GATA5: variants seen among roughly 807,000 people sequenced by gnomAD.
GATA5 encodes the protein transcription factor GATA-5.
GATA5 carries 27 observed loss-of-function variants against 35.0 expected under a neutral mutation model. The ratio of observed to expected loss-of-function variants is 0.77; its 90% confidence interval spans 0.57 to 1.06. The LOEUF (loss-of-function observed/expected upper bound fraction) is 1.06. GATA5 is among the 50% of genes least tolerant of loss of function. The pLI, the probability that GATA5 is intolerant of heterozygous loss-of-function variation, is 0.00. For missense variants in GATA5, 612 were observed against 580.0 expected, an observed-to-expected ratio of 1.06 and a Z score of -0.57; for synonymous variants, 306 against 267.8, an observed-to-expected ratio of 1.14 and a Z score of -1.39.
intron 3 of GATA5, among the ~76,000 whole-genome samples, chr20:62,466,894 C>T (rs751160970): frequency 5.3e-5 from 8 of 152,214 alleles, no homozygotes; most frequent in Non-Finnish European, 8.8e-5. Context: ...GCCTGGACCC[C>T]GCGGTTCTGC....
chr20:62,473,265 C>T (rs1017977174), intron 3 of GATA5, 138 bp downstream of exon 3: 24 of 917,894 alleles, frequency 2.6e-5, no homozygotes, highest in East Asian at 1.1e-4. Context: ...CCTGACCCAC[C>T]GGGGCGGGCA....
rs942173940 is a variant in GATA5 at position 62,465,534 on chromosome 20, G to C, written c.914-70C>G. The C allele has an allele frequency of 9.1e-6, 14 of 1,546,488 alleles. No individual in the cohort carries two copies. In the African/African-American group the frequency reaches 1.4e-4, roughly 15 times the overall value. On this transcript the variant is annotated intron_variant, in intron 5 of 6. Coordinates refer to ENST00000252997, the MANE Select transcript of GATA5 (RefSeq NM_080473.5). ...TCACTTCCCCTTCCTGCCATGTAGC[G>C]GGTCTCCTCTGGCCCCGGCCCAGAG...
chr20:62,473,292 G>GA (rs1374442461), intron 3 of GATA5, 111 bp downstream of exon 3: 1 of 1,274,402 alleles, frequency 7.8e-7, no homozygotes, highest in Non-Finnish European at 1.1e-6. Flanking sequence ...CTGTTTTTGG[G>GA]ACACTCCCTA....
Position 62,465,883 on chromosome 20 carries a change from C to G in GATA5, c.864G>C (p.Gln288His). Residue 288 changes from glutamine (Q) to histidine (H), a missense_variant, in exon 5 of 7, where the codon CAG becomes CAC. By Grantham distance (24) the Gln-to-His change is conservative (BLOSUM62 0). Coordinates refer to ENST00000252997, the MANE Select transcript of GATA5 (RefSeq NM_080473.5). ...RPLAMKKESI[Q>H]TRKRKPKTIA... ...TGGTCTTTGGCTTCCGCTTCCGTGT[C>G]TGGATGCTTTCCTTCTTCATAGCCA... 1 of 1,599,120 alleles carries G rather than the reference C, an allele frequency of 6.3e-7. No homozygotes were observed. The highest frequency in any genetic ancestry group is 8.5e-7 in the Non-Finnish European group (1 of 1,172,846).
At chr20:62,465,693 T>A in intron 5 of GATA5, 141 bp downstream of exon 5, 1 of 851,928 alleles carries the variant, frequency 1.2e-6, no homozygotes, top group Non-Finnish European at 1.8e-6. Context: ...CCCAGCAAGG[T>A]CACCACAGGG....
Position 62,466,429 on chromosome 20 carries a change from G to C in GATA5, c.822C>G (p.His274Gln), listed in dbSNP as rs782419620. The change falls in exon 4 of 7, where the codon CAC becomes CAG. Residue 274 changes from histidine (H) to glutamine (Q), a missense_variant. Coordinates refer to ENST00000252997, the MANE Select transcript of GATA5 (RefSeq NM_080473.5). ...CTGCCCCGGGGACCACACTCACCCC[G>C]TGCAGCTTCATGTAGAGGCCGCAGG... is the stretch of plus-strand genomic sequence containing the variant. ...CNACGLYMKLHGVPRPLAMKK... is the reference protein window; with the variant it reads ...CNACGLYMKLQGVPRPLAMKK... 3 of 1,584,896 alleles carry C rather than the reference G, an allele frequency of 1.9e-6. No homozygotes were observed. The highest frequency in any genetic ancestry group is 1.7e-6 in the Non-Finnish European group (2 of 1,166,138).
chr20:62,467,731 G>C (rs984408844), intron 3 of GATA5, among the ~76,000 whole-genome samples: 1 of 152,226 alleles, frequency 6.6e-6, no homozygotes, highest in Non-Finnish European at 1.5e-5. Context: ...ATGAGAATGG[G>C]CCCCCCACAC....
intron 3 of GATA5, among the ~76,000 whole-genome samples, chr20:62,466,849 C>T (rs1446754966): frequency 6.6e-6 from 1 of 152,238 alleles, no homozygotes; most frequent in Admixed American, 6.5e-5. Context: ...GACACGGCAA[C>T]GGTTTCCCTA....
chr20:62,466,340 C>G (rs1171411281), intron 4 of GATA5, 86 bp downstream of exon 4: 1 of 1,429,270 alleles, frequency 7.0e-7, no homozygotes, highest in Non-Finnish European at 9.4e-7. Flanking sequence ...CCGCTCCTCC[C>G]CAGCCTCTTG....
intron 2 of GATA5, 91 bp from the exon 3 acceptor site, chr20:62,473,669 C>T (rs1555896815): frequency 3.1e-6 from 4 of 1,295,846 alleles, no homozygotes; most frequent in South Asian, 1.5e-5. Context: ...CCCCAGGAGC[C>T]TGGCGGCTTT....
At position 62,470,113 on chromosome 20, in the gene GATA5, A is replaced by G. The variant is rs1485503614; in HGVS notation, c.699+3290T>C. Among the ~76,000 whole-genome samples the G allele has an allele frequency of 6.6e-6, 1 of 152,276 alleles. No individual in the cohort carries two copies. Among genetic ancestry groups the G allele is most frequent in the East Asian group, 1.9e-4 (1 of 5,198 alleles). ...CAAACTTCAAAGCCTCCTTGCGCGC[A>G]GCAGAGCCGCTCTAAGCACCAGGCT... is the stretch of plus-strand genomic sequence containing the variant. On this transcript the variant is annotated intron_variant, in intron 3 of 6. Coordinates refer to ENST00000252997, the MANE Select transcript of GATA5 (RefSeq NM_080473.5). This position sits in a 1 kb window ranked among gnomAD's most constrained non-coding sequence, Gnocchi z 4.6.
intron 3 of GATA5, among the ~76,000 whole-genome samples, chr20:62,466,891 C>T (rs1989606385): frequency 6.6e-6 from 1 of 152,212 alleles, no homozygotes; most frequent in Non-Finnish European, 1.5e-5. Flanking sequence ...TGCGCCTGGA[C>T]CCCGCGGTTC....
At position 62,471,432 on chromosome 20, in the gene GATA5, A is replaced by AT. The variant is rs574764628; in HGVS notation, c.699+1970dup. 8.4e-3 allele frequency among the ~76,000 whole-genome samples: 688 copies of AT among 81,776 alleles called. 87 individuals carry two copies. Among genetic ancestry groups the AT allele is most frequent in the East Asian group, 0.029 (84 of 2,880 alleles). The allele number at this position is 81,776 out of a possible 152,430, so 53.6% of individuals were successfully genotyped here. A position where few individuals can be genotyped will look rare whatever the true frequency, so the allele number is the denominator to read the frequency against. On this transcript the variant is annotated intron_variant, in intron 3 of 6. Coordinates refer to ENST00000252997, the MANE Select transcript of GATA5 (RefSeq NM_080473.5). ...TAAAGAGAAGTTAATTTCAATTACA[A>AT]TTTTTTTTTTTTTTTTTGTGATGAG...
At chr20:62,473,943 GTGGA>G (rs1435006985) in intron 2 of GATA5, among the ~76,000 whole-genome samples, 4 of 152,060 alleles carry the variant, frequency 2.6e-5, no homozygotes, top group Non-Finnish European at 5.9e-5. Context: ...GGCGGGGGAG[GTGGA>G]TGAAGTGGTG....
Position 62,465,929 on chromosome 20 carries a change from G to A in GATA5, c.826-8C>T, listed in dbSNP as rs1225263565. ...AGCCAGAGGCCGCGGCACCTGGCAG[G>A]GGTGGCGAGGGTGGAGGCTGGTCCC... On this transcript the variant is annotated splice_polypyrimidine_tract_variant and splice_region_variant and intron_variant, in intron 4 of 6. Coordinates refer to ENST00000252997, the MANE Select transcript of GATA5 (RefSeq NM_080473.5). The A allele has an allele frequency of 1.9e-6, 3 of 1,568,096 alleles. No individual in the cohort carries two copies. The highest frequency in any genetic ancestry group is 3.6e-5 in the Admixed American group (2 of 54,902).
At chr20:62,473,119 C>G (rs975769306) in intron 3 of GATA5, among the ~76,000 whole-genome samples, 7 of 152,242 alleles carry the variant, frequency 4.6e-5, no homozygotes, top group Admixed American at 1.3e-4. Context: ...TGGCTGACAC[C>G]GTTGCTCCAG....
rs1989496512 is a variant in GATA5 at position 62,463,612 on chromosome 20, C to G, written c.*1224G>C. ...CTCTGGAGGGACAGTTTCAGAATGA[C>G]CGGACCCGCTCCTGAAGCTGATGCC... On this transcript the variant is annotated 3_prime_UTR_variant, in exon 7 of 7. Coordinates refer to ENST00000252997, the MANE Select transcript of GATA5 (RefSeq NM_080473.5). 2 of 142,658 alleles carry G rather than the reference C, an allele frequency of 1.4e-5. No homozygotes were observed. The highest frequency in any genetic ancestry group is 2.4e-5 in the African/African-American group (1 of 40,888). 8.8% of individuals were successfully genotyped at this position (142,658 alleles called of 1,614,324 possible). A position where few individuals can be genotyped will look rare whatever the true frequency, so the allele number is the denominator to read the frequency against.
At position 62,466,407 on chromosome 20, in the gene GATA5, C is replaced by A; in HGVS notation, c.825+19G>T. 1 of 1,567,834 alleles carries A rather than the reference C, an allele frequency of 6.4e-7. No homozygotes were observed. Among genetic ancestry groups the A allele is most frequent in the Non-Finnish European group, 8.6e-7 (1 of 1,156,888 alleles). ...GCTGGACAGAGGCCTCCCCGCCCTG[C>A]CCCGGGGACCACACTCACCCCGTGC... On this transcript the variant is annotated intron_variant, in intron 4 of 6. Transcript: ENST00000252997.
Position 62,475,167 on chromosome 20 carries a change from C to A in GATA5, c.355G>T (p.Ala119Ser). 1 of 1,301,806 alleles carries A rather than the reference C, an allele frequency of 7.7e-7. No homozygotes were observed. Among genetic ancestry groups the A allele is most frequent in the Non-Finnish European group, 9.8e-7 (1 of 1,021,276 alleles). 80.6% of individuals were successfully genotyped at this position (1,301,806 alleles called of 1,614,324 possible). A position where few individuals can be genotyped will look rare whatever the true frequency, so the allele number is the denominator to read the frequency against. ...GGRDGSAYQG[A>S]LLPREQFAAP... ...GCGAACTGTTCTCGAGGCAACAGCGCGCCCTGGTAGGCACTGCCGTCTCGG... is the reference window on the plus strand; with the variant it reads ...GCGAACTGTTCTCGAGGCAACAGCGAGCCCTGGTAGGCACTGCCGTCTCGG... Residue 119 changes from alanine (A) to serine (S), a missense_variant, in exon 2 of 7, where the codon GCG (alanine) becomes TCG (serine). Ala to Ser is a moderately conservative substitution (Grantham distance 99). Transcript: ENST00000252997.
Sources: allele counts gnomAD v4.1 joint callset (sites outside exome capture counted in the v4.1 genomes callset), GRCh38; gene constraint gnomAD v4.1.1; non-coding constraint Gnocchi (gnomAD v3.1); transcripts MANE v1.5; gene names NCBI Gene and HGNC (gene_info 2026-07-23, HGNC 2026-07-21).